FSTL5: variants seen among roughly 807,000 people sequenced by gnomAD.
FSTL5 encodes the protein follistatin-related protein 5.
FSTL5 carries 62 observed loss-of-function variants against 89.1 expected under a neutral mutation model. That is an observed-to-expected ratio of 0.70 (90% confidence interval 0.57 to 0.86). The LOEUF is 0.86. FSTL5 is among the 40% of genes least tolerant of loss of function. The probability of loss-of-function intolerance (pLI) is 0.00; values close to 1 mark genes in which losing one functional copy is unlikely to be tolerated. For missense variants in FSTL5, 1,057 were observed against 1,001.6 expected, an observed-to-expected ratio of 1.06 and a Z score of -0.75; for synonymous variants, 383 against 346.2, an observed-to-expected ratio of 1.11 and a Z score of -1.18.
chr4:161,976,722 C>G (rs537894951), intron 3 of FSTL5, among the ~76,000 whole-genome samples: 1 of 152,160 alleles, frequency 6.6e-6, no homozygotes, highest in South Asian at 2.1e-4. Flanking sequence ...ACCTCGTGAT[C>G]CACCCGCCTC....
intron 15 of FSTL5, among the ~76,000 whole-genome samples, chr4:161,452,401 G>A (rs556367493): frequency 1.3e-5 from 2 of 151,940 alleles, no homozygotes; most frequent in African/African-American, 4.8e-5. Context: ...GCTTGAATCC[G>A]GGAGGTGGAG....
At chr4:161,616,107 A>G (rs1734858773) in intron 7 of FSTL5, among the ~76,000 whole-genome samples, 1 of 140,432 alleles carries the variant, frequency 7.1e-6, no homozygotes, top group South Asian at 2.2e-4. Flanking sequence ...TTTTTTTGAG[A>G]TGGGGTTTTG....
At chr4:162,155,804 C>T (rs571799022) in intron 1 of FSTL5, among the ~76,000 whole-genome samples, 73 of 152,264 alleles carry the variant, frequency 4.8e-4, no homozygotes, top group African/African-American at 1.7e-3. Flanking sequence ...TTTAACTTAT[C>T]TTTGTTTTGC....
intron 3 of FSTL5, among the ~76,000 whole-genome samples, chr4:162,024,455 C>T (rs891215559): frequency 6.6e-6 from 1 of 152,042 alleles, no homozygotes; most frequent in African/African-American, 2.4e-5. Flanking sequence ...TTTAAGTAAC[C>T]TTCATTATCT....
chr4:161,620,809 A>G (rs1382782015), intron 7 of FSTL5, among the ~76,000 whole-genome samples: 1 of 152,228 alleles, frequency 6.6e-6, no homozygotes, highest in East Asian at 1.9e-4. Context: ...CAATATTAAA[A>G]TGATGAATAT....
chr4:162,012,909 C>T (rs1055668884), intron 3 of FSTL5, among the ~76,000 whole-genome samples: 3 of 152,188 alleles, frequency 2.0e-5, no homozygotes, highest in South Asian at 2.1e-4. Context: ...CTCAGCTGGG[C>T]GTCGTGGCTC....
chr4:161,459,156 A>C (rs1733470673), intron 14 of FSTL5, 56 bp downstream of exon 14: 2 of 1,044,438 alleles, frequency 1.9e-6, no homozygotes, highest in African/African-American at 3.1e-5. Context: ...ATATCCAATA[A>C]AATGTTGAAA....
intron 15 of FSTL5, chr4:161,388,452 A>T (rs1428990324): frequency 6.6e-6 from 1 of 152,070 alleles, no homozygotes; most frequent in East Asian, 1.9e-4. Flanking sequence ...CTGTCAACTG[A>T]GTCCCATATT....
chr4:161,432,359 C>T (rs943917334), intron 15 of FSTL5, among the ~76,000 whole-genome samples: 7 of 151,906 alleles, frequency 4.6e-5, no homozygotes, highest in South Asian at 2.1e-4. Context: ...GAATGAGCAG[C>T]GAGTCAATGA....
In FSTL5 at chr4:161,780,836, T is replaced by C. The variant is rs557518652; in HGVS notation, c.410-4762A>G. 2.6e-5 allele frequency among the ~76,000 whole-genome samples: 4 copies of C among 152,324 alleles called. No homozygotes were observed. The East Asian group carries it at 7.7e-4, about 30-fold the overall frequency. ...AATTATGCTTAGTAAAATATGTTTTTGTAAAGGCTGCAATTTGTTCTTATC... is the reference window on the plus strand; with the variant it reads ...AATTATGCTTAGTAAAATATGTTTTCGTAAAGGCTGCAATTTGTTCTTATC... On this transcript the variant is annotated intron_variant, in intron 4 of 15. Transcript: ENST00000306100.
intron 15 of FSTL5, among the ~76,000 whole-genome samples, chr4:161,404,194 G>A (rs1731279339): frequency 6.6e-6 from 1 of 152,184 alleles, no homozygotes. Flanking sequence ...AAACAGCTAA[G>A]CAGAGGGTAT....
intron 6 of FSTL5, among the ~76,000 whole-genome samples, chr4:161,709,849 T>C (rs1210814326): frequency 6.6e-6 from 1 of 152,188 alleles, no homozygotes; most frequent in Non-Finnish European, 1.5e-5. Context: ...TGATTTACTT[T>C]TTTGAACCTC....
At chr4:161,496,667 T>TA (rs1730084453) in intron 12 of FSTL5, among the ~76,000 whole-genome samples, 1 of 152,144 alleles carries the variant, frequency 6.6e-6, no homozygotes, top group African/African-American at 2.4e-5. Flanking sequence ...CATCAACTCT[T>TA]ATCTGAATTT....
intron 3 of FSTL5, chr4:162,032,441 C>T (rs562156438): frequency 5.3e-4 from 81 of 152,158 alleles, no homozygotes; most frequent in African/African-American, 1.7e-3. Context: ...AAATAACAAG[C>T]GATACTTCAG....
At chr4:161,825,063 C>T (rs2126855050) in intron 4 of FSTL5, among the ~76,000 whole-genome samples, 1 of 152,082 alleles carries the variant, frequency 6.6e-6, no homozygotes, top group Admixed American at 6.5e-5. Flanking sequence ...TAAAGTATGT[C>T]CCTTCTATGC....
At chr4:161,666,263 T>C (rs1736889104) in intron 6 of FSTL5, among the ~76,000 whole-genome samples, 1 of 152,126 alleles carries the variant, frequency 6.6e-6, no homozygotes, top group Admixed American at 6.5e-5. Context: ...GAAAAAGTGC[T>C]TTATGAATTA....
chr4:161,737,696 G>A (rs1356796374), intron 6 of FSTL5, among the ~76,000 whole-genome samples: 1 of 151,860 alleles, frequency 6.6e-6, no homozygotes, highest in Non-Finnish European at 1.5e-5. Flanking sequence ...ACCTATGTAT[G>A]TAAATCATTT....
chr4:161,495,481 C>A (rs1056218394), intron 12 of FSTL5: 1 of 151,814 alleles, frequency 6.6e-6, no homozygotes, highest in Non-Finnish European at 1.5e-5. Flanking sequence ...ATGTGTACAA[C>A]TAGGATAAAT....
intron 7 of FSTL5, among the ~76,000 whole-genome samples, chr4:161,638,094 G>T (rs1735793634): frequency 6.7e-6 from 1 of 149,312 alleles, no homozygotes; most frequent in Non-Finnish European, 1.5e-5. Flanking sequence ...TCCTACCCAT[G>T]AGCATGGAAT....
Sources: allele counts gnomAD v4.1 joint callset (sites outside exome capture counted in the v4.1 genomes callset), GRCh38; gene constraint gnomAD v4.1.1; transcripts MANE v1.5; gene names NCBI Gene and HGNC (gene_info 2026-07-23, HGNC 2026-07-21).